ARFGEF3: variants seen among roughly 807,000 people sequenced by gnomAD.
ARFGEF3 encodes the protein brefeldin A-inhibited guanine nucleotide-exchange protein 3.
In ARFGEF3, 96 loss-of-function variants were observed where a neutral mutation model predicts 221.7. The observed-to-expected ratio is 0.43, with a 90% CI of 0.37 to 0.51. ARFGEF3 has a LOEUF of 0.51. Among genes scored for constraint, ARFGEF3 ranks in the 20% least tolerant of loss-of-function variants. The pLI, the probability that ARFGEF3 is intolerant of heterozygous loss-of-function variation, is 0.00. For missense variants in ARFGEF3, 2,410 were observed against 2,789.9 expected, an observed-to-expected ratio of 0.86 and a Z score of 3.07; for synonymous variants, 1,145 against 1,126.8, an observed-to-expected ratio of 1.02 and a Z score of -0.32.
intron 8 of ARFGEF3, among the ~76,000 whole-genome samples, chr6:138,248,415 G>A (rs994824769): frequency 1.3e-5 from 2 of 152,130 alleles, no homozygotes; most frequent in African/African-American, 4.8e-5. Flanking sequence ...AGCATTGGCA[G>A]GGAATAGAAC....
chr6:138,218,563 A>G, intron 4 of ARFGEF3: 2 of 1,181,640 alleles, frequency 1.7e-6, no homozygotes, highest in Non-Finnish European at 2.3e-6. Context: ...TTTCTGTTCC[A>G]TCCTACGAGG....
At chr6:138,326,374 G>C (rs1780126515) in intron 31 of ARFGEF3, among the ~76,000 whole-genome samples, 1 of 152,132 alleles carries the variant, frequency 6.6e-6, no homozygotes, top group Non-Finnish European at 1.5e-5. Flanking sequence ...CTTGAGCCCA[G>C]GAGTGCAAGA....
At chr6:138,248,687 G>A (rs745936348) in intron 8 of ARFGEF3, among the ~76,000 whole-genome samples, 60 of 152,040 alleles carry the variant, frequency 3.9e-4, no homozygotes, top group South Asian at 1.2e-3. Context: ...TTAACCAGGC[G>A]TGGTTGCAGG....
Position 138,263,599 on chromosome 6 carries a change from A to G in ARFGEF3, c.2116A>G (p.Thr706Ala), listed in dbSNP as rs753632607. Residue 706 changes from threonine (T) to alanine (A), a missense_variant, in exon 12 of 34, where the codon ACT becomes GCT. This residue lies in a region of ARFGEF3 where 594 missense variants were observed against 734.3 expected (regional missense o/e 0.81). Coordinates refer to ENST00000251691, the MANE Select transcript of ARFGEF3 (RefSeq NM_020340.5). ...CACCGCTCTGCAGAACTTTGCCTCT[A>G]CTTTCTGCTCAGGTTTGTAAACAAT... ...VDTALQNFAS[T>A]FCSGMMHSPG... 1.1e-5 allele frequency: 17 copies of G among 1,599,452 alleles called. No individual in the cohort carries two copies. Among genetic ancestry groups the G allele is most frequent in the Non-Finnish European group, 1.4e-5 (16 of 1,172,816 alleles).
intron 22 of ARFGEF3, among the ~76,000 whole-genome samples, chr6:138,306,032 C>T (rs577051457): frequency 1.5e-4 from 23 of 152,016 alleles, no homozygotes; most frequent in African/African-American, 2.4e-4. Context: ...AGGTTTGAAA[C>T]GAAAAGTAAA....
At chr6:138,165,971 A>G (rs1262358605) in intron 1 of ARFGEF3, among the ~76,000 whole-genome samples, 2 of 152,226 alleles carry the variant, frequency 1.3e-5, no homozygotes, top group Non-Finnish European at 1.5e-5. Flanking sequence ...ATGAAGTAGA[A>G]TAACTGGTTT....
intron 12 of ARFGEF3, among the ~76,000 whole-genome samples, chr6:138,265,531 T>C (rs1471887807): frequency 1.3e-5 from 2 of 152,172 alleles, no homozygotes; most frequent in Non-Finnish European, 2.9e-5. Flanking sequence ...TAAAAAATTA[T>C]TTTTCTCCCT....
chr6:138,234,747 A>C (rs560569210), intron 5 of ARFGEF3, among the ~76,000 whole-genome samples: 7 of 152,258 alleles, frequency 4.6e-5, no homozygotes, highest in Non-Finnish European at 8.8e-5. Context: ...TTAATCTCTG[A>C]TCCTTTCTAT....
At position 138,291,660 on chromosome 6, in the gene ARFGEF3, G is replaced by A; in HGVS notation, c.3048-73G>A. ...AGAGCTGGCTGCATTTCCTTTGTCT[G>A]GCACTGTGGGGTTTATGGAGCTGCC... On this transcript the variant is annotated intron_variant, in intron 18 of 33. Coordinates refer to ENST00000251691, the MANE Select transcript of ARFGEF3 (RefSeq NM_020340.5). The surrounding 1 kb of genome is among the most constrained non-coding windows in gnomAD (Gnocchi z 4.5). 9.0e-7 allele frequency: 1 copy of A among 1,107,294 alleles called. No homozygotes were observed. The highest frequency in any genetic ancestry group is 1.2e-6 in the Non-Finnish European group (1 of 847,028). The allele number at this position is 1,107,294 out of a possible 1,614,324, so 68.6% of individuals were successfully genotyped here. A position where few individuals can be genotyped will look rare whatever the true frequency, so the allele number is the denominator to read the frequency against.
chr6:138,240,491 A>T (rs1304284871), intron 6 of ARFGEF3, among the ~76,000 whole-genome samples: 2 of 152,168 alleles, frequency 1.3e-5, no homozygotes, highest in African/African-American at 4.8e-5. Flanking sequence ...TTCCATAAGA[A>T]TGGCAAAGGT....
chr6:138,222,725 T>A (rs866384157), intron 4 of ARFGEF3, among the ~76,000 whole-genome samples: 17 of 152,188 alleles, frequency 1.1e-4, no homozygotes, highest in East Asian at 3.8e-4. Flanking sequence ...TTTATTTTTT[T>A]AAAAAACTTC....
At position 138,263,491 on chromosome 6, in the gene ARFGEF3, C is replaced by G. The variant is rs773431642; in HGVS notation, c.2008C>G (p.Gln670Glu). The G allele has an allele frequency of 6.2e-7, 1 of 1,613,880 alleles. No individual in the cohort carries two copies. Among genetic ancestry groups the G allele is most frequent in the South Asian group, 1.1e-5 (1 of 91,086 alleles). ...LKLLKNQEAD[Q>E]HSARLFIQSL... ...ACTGCTGAAGAACCAGGAGGCGGATCAGCACAGCGCCAGGCTGTTCATACA... is the reference window on the plus strand; with the variant it reads ...ACTGCTGAAGAACCAGGAGGCGGATGAGCACAGCGCCAGGCTGTTCATACA... Residue 670 changes from glutamine (Q) to glutamate (E), a missense_variant, in exon 12 of 34, where the codon CAG becomes GAG. Transcript: ENST00000251691.
chr6:138,312,217 G>A (rs1779842542), intron 25 of ARFGEF3, among the ~76,000 whole-genome samples: 1 of 152,036 alleles, frequency 6.6e-6, no homozygotes, highest in Non-Finnish European at 1.5e-5. Context: ...AGTGAGCAGT[G>A]ACCATCGTTG....
intron 2 of ARFGEF3, among the ~76,000 whole-genome samples, chr6:138,172,419 TA>T (rs1776854472): frequency 6.6e-6 from 1 of 152,200 alleles, no homozygotes; most frequent in African/African-American, 2.4e-5. Flanking sequence ...CCACACCTGT[TA>T]CCCACCTGTG....
In ARFGEF3 at chr6:138,342,184, A is replaced by T. The variant is rs897681707; in HGVS notation, c.*5698A>T. 1.3e-5 allele frequency: 2 copies of T among 152,190 alleles called. No individual in the cohort carries two copies. The highest frequency in any genetic ancestry group is 2.9e-5 in the Non-Finnish European group (2 of 68,030). The allele number at this position is 152,190 out of a possible 1,614,324, so 9.4% of individuals were successfully genotyped here. On this transcript the variant is annotated 3_prime_UTR_variant, in exon 34 of 34. Coordinates refer to ENST00000251691, the MANE Select transcript of ARFGEF3 (RefSeq NM_020340.5). ...AGCATCACCTGGAGGGCCTTTTTTT[A>T]AAATAAGACACAGATTGCTGGGCTC...
At chr6:138,236,480 T>C (rs542253618) in intron 5 of ARFGEF3, among the ~76,000 whole-genome samples, 12 of 152,174 alleles carry the variant, frequency 7.9e-5, no homozygotes, top group Non-Finnish European at 1.8e-4. Flanking sequence ...CATTTCAGGG[T>C]TAAAACACCT....
In ARFGEF3 at chr6:138,311,424, G is replaced by T; in HGVS notation, c.4114G>T (p.Glu1372Ter). The T allele has an allele frequency of 6.2e-7, 1 of 1,607,666 alleles. No homozygotes were observed. Among genetic ancestry groups the T allele is most frequent in the South Asian group, 1.1e-5 (1 of 89,120 alleles). The change falls in exon 25 of 34, where the codon GAG becomes TAG. Residue 1372 changes from glutamate (E) to a stop codon, truncating the protein, a stop_gained. Transcript: ENST00000251691. LOFTEE classifies it high-confidence loss of function. ...VKGLGEVDCK[E>*]IGDCAPAPGA... ...GCCCCTAGGGGAGGTGGACTGTAAA[G>T]AGATTGGAGACTGTGCCCCAGCACC...
Position 138,278,629 on chromosome 6 carries a change from G to A in ARFGEF3, c.2295+12G>A, listed in dbSNP as rs375219047. 82 of 1,612,630 alleles carry A rather than the reference G, an allele frequency of 5.1e-5. No homozygotes were observed. The highest frequency in any genetic ancestry group is 3.3e-4 in the Middle Eastern group (2 of 6,080). ...CGCCAGGCGTGATGGTGAGTGTGCC[G>A]TCCCTCATTGGACTGGCAGAGGGCA... On this transcript the variant is annotated intron_variant, in intron 13 of 33. Coordinates refer to ENST00000251691, the MANE Select transcript of ARFGEF3 (RefSeq NM_020340.5).
At chr6:138,295,295 G>C (rs1319270159) in intron 20 of ARFGEF3, among the ~76,000 whole-genome samples, 1 of 152,116 alleles carries the variant, frequency 6.6e-6, no homozygotes, top group Non-Finnish European at 1.5e-5. Context: ...TTTCTACTCT[G>C]TAAAATAGCA....
Sources: allele counts gnomAD v4.1 joint callset (sites outside exome capture counted in the v4.1 genomes callset), GRCh38; gene constraint gnomAD v4.1.1; regional missense constraint gnomAD v4.1.1; non-coding constraint Gnocchi (gnomAD v3.1); transcripts MANE v1.5; gene names NCBI Gene and HGNC (gene_info 2026-07-23, HGNC 2026-07-21).